The following DGKI variants were observed in gnomAD, a reference collection of about 807,000 sequenced individuals.
DGKI encodes the protein DAG kinase iota.
Under a neutral mutation model 147.5 loss-of-function variants are expected in DGKI, and 55 were observed. The observed-to-expected ratio is 0.37, with a 90% CI of 0.30 to 0.47. The LOEUF is 0.47. Ranked by LOEUF, DGKI falls within the 20% of genes least tolerant of loss-of-function variation. DGKI has a pLI of 1.00. For missense variants in DGKI, 1,007 were observed against 1,323.8 expected, an observed-to-expected ratio of 0.76 and a Z score of 3.71; for synonymous variants, 469 against 477.1, an observed-to-expected ratio of 0.98 and a Z score of 0.22.
intron 1 of DGKI, among the ~76,000 whole-genome samples, chr7:137,695,483 C>G (rs1823750493): frequency 6.6e-6 from 1 of 152,148 alleles, no homozygotes; most frequent in Non-Finnish European, 1.5e-5. Flanking sequence ...ACGTATCCCT[C>G]ACAATAATAA....
At chr7:137,413,341 T>C (rs1812237194) in intron 28 of DGKI, among the ~76,000 whole-genome samples, 1 of 151,964 alleles carries the variant, frequency 6.6e-6, no homozygotes, top group African/African-American at 2.4e-5. Flanking sequence ...TACAAGGATA[T>C]ATTGCATGAC....
At position 137,773,089 on chromosome 7, in the gene DGKI, T is replaced by C. The variant is rs553852360; in HGVS notation, c.401+73373A>G. ...GTACAAGAAGGGACCCATGGGTCAA[T>C]TACATTATACCACATTTTACTTCTA... On this transcript the variant is annotated intron_variant, in intron 1 of 32. Transcript: ENST00000614521. 9.2e-5 allele frequency among the ~76,000 whole-genome samples: 14 copies of C among 152,322 alleles called. No homozygotes were observed. The East Asian group carries it at 2.5e-3, about 27-fold the overall frequency.
intron 5 of DGKI, among the ~76,000 whole-genome samples, chr7:137,653,758 G>C (rs1281092033): frequency 6.6e-6 from 1 of 152,180 alleles, no homozygotes; most frequent in Non-Finnish European, 1.5e-5. Context: ...TCTGTAAGTG[G>C]AACTGAACCT....
intron 1 of DGKI, among the ~76,000 whole-genome samples, chr7:137,763,089 G>A (rs1354478404): frequency 2.0e-5 from 3 of 152,184 alleles, no homozygotes; most frequent in Non-Finnish European, 4.4e-5. Context: ...AAGGTACAGA[G>A]TCCACATGAG....
At chr7:137,635,573 T>C (rs1278526185) in intron 6 of DGKI, among the ~76,000 whole-genome samples, 3 of 152,208 alleles carry the variant, frequency 2.0e-5, no homozygotes, top group Admixed American at 1.3e-4. Flanking sequence ...TTTTATGGCA[T>C]AGAGGTGCAG....
chr7:137,730,117 G>C (rs1004979751), intron 1 of DGKI, among the ~76,000 whole-genome samples: 1 of 151,922 alleles, frequency 6.6e-6, no homozygotes, highest in Non-Finnish European at 1.5e-5. Context: ...CTTATCTCTG[G>C]CATGGCATTC....
At chr7:137,767,129 T>C (rs1015761573) in intron 1 of DGKI, among the ~76,000 whole-genome samples, 3 of 152,174 alleles carry the variant, frequency 2.0e-5, no homozygotes, top group African/African-American at 7.2e-5. Flanking sequence ...CCACGGAAGT[T>C]ATCCTGTCAG....
chr7:137,544,505 A>G (rs549812574), intron 20 of DGKI, among the ~76,000 whole-genome samples: 1 of 152,354 alleles, frequency 6.6e-6, no homozygotes, highest in South Asian at 2.1e-4. Context: ...TCTGGCACAG[A>G]GCAAGTGCAA....
intron 1 of DGKI, among the ~76,000 whole-genome samples, chr7:137,738,309 G>A (rs890234355): frequency 3.9e-5 from 6 of 152,046 alleles, no homozygotes; most frequent in African/African-American, 1.4e-4. Context: ...GCTACTAGGA[G>A]AGACACATAT....
chr7:137,554,494 A>C (rs1615692), intron 19 of DGKI, among the ~76,000 whole-genome samples: 16,615 of 152,144 alleles, frequency 0.11, 2,052 homozygotes, highest in African/African-American at 0.3. Context: ...ACAGTCCCTG[A>C]CCTAATGCAT....
intron 32 of DGKI, 130 bp downstream of exon 32, chr7:137,395,466 TCC>T: frequency 1.4e-6 from 1 of 723,508 alleles, no homozygotes; most frequent in Admixed American, 2.6e-5. Flanking sequence ...CTCTATTTTT[TCC>T]TCCTTTTTCC....
At chr7:137,403,345 G>A (rs1460218386) in intron 30 of DGKI, among the ~76,000 whole-genome samples, 6 of 152,186 alleles carry the variant, frequency 3.9e-5, no homozygotes, top group East Asian at 3.8e-4. Flanking sequence ...CTCCCATGGC[G>A]CTTTCAGAAC....
Position 137,465,974 on chromosome 7 carries a change from A to G in DGKI, c.2546T>C (p.Met849Thr). ...TGTCCCCGCCGGCTGTGACACCACC[A>G]TATCTGGGTCCAGAATAAAAATCTC... ...QDEIFILDPD[M>T]VVSQPAGTPP... is the part of the protein sequence containing the mutation. Residue 849 changes from methionine to threonine, a missense_variant, in exon 26 of 33, where the codon ATG (methionine) becomes ACG (threonine). Transcript: ENST00000614521. The G allele has an allele frequency of 6.2e-7, 1 of 1,614,156 alleles. No individual in the cohort carries two copies. Among genetic ancestry groups the G allele is most frequent in the Non-Finnish European group, 8.5e-7 (1 of 1,179,974 alleles).
intron 1 of DGKI, among the ~76,000 whole-genome samples, chr7:137,760,865 C>G (rs1795838124): frequency 6.6e-6 from 1 of 152,154 alleles, no homozygotes; most frequent in African/African-American, 2.4e-5. Context: ...TCCTTCCAGT[C>G]CAGAGGGACG....
At chr7:137,687,217 G>A (rs1358566677) in intron 2 of DGKI, among the ~76,000 whole-genome samples, 1 of 152,110 alleles carries the variant, frequency 6.6e-6, no homozygotes, top group Non-Finnish European at 1.5e-5. Flanking sequence ...CACTATTGGG[G>A]CCCTCTACCT....
chr7:137,655,361 G>A (rs1363039718), intron 4 of DGKI, among the ~76,000 whole-genome samples: 2 of 152,022 alleles, frequency 1.3e-5, no homozygotes, highest in Non-Finnish European at 2.9e-5. Flanking sequence ...ACCACATCTG[G>A]CTAATTTTTT....
At chr7:137,472,356 A>ATATATACATATAATATTTAATG (rs1563040264) in intron 23 of DGKI, among the ~76,000 whole-genome samples, 112 of 5,982 alleles carry the variant, frequency 0.019, 13 homozygotes, top group African/African-American at 0.037. Context: ...TATTATATGT[A>ATATATACATATAATATTTAATG]TATATACATA....
intron 1 of DGKI, among the ~76,000 whole-genome samples, chr7:137,759,868 G>A: frequency 6.6e-6 from 1 of 151,874 alleles, no homozygotes; most frequent in East Asian, 2.0e-4. Context: ...AAAAAAAACA[G>A]AGTCTTGATA....
intron 23 of DGKI, among the ~76,000 whole-genome samples, chr7:137,474,105 A>C (rs756255210): frequency 2.6e-5 from 4 of 152,114 alleles, no homozygotes; most frequent in South Asian, 4.1e-4. Flanking sequence ...TACTCACATA[A>C]TAGGTCCTAC....
Sources: allele counts gnomAD v4.1 joint callset (sites outside exome capture counted in the v4.1 genomes callset), GRCh38; gene constraint gnomAD v4.1.1; transcripts MANE v1.5; gene names NCBI Gene and HGNC (gene_info 2026-07-23, HGNC 2026-07-21).